Variants in CEP85L observed in about 807,000 individuals in gnomAD.
CEP85L encodes centrosomal protein of 85 kDa-like.
Under a neutral mutation model 100.3 loss-of-function variants are expected in CEP85L, and 60 were observed. The observed-to-expected ratio is 0.60, with a 90% CI of 0.49 to 0.74. CEP85L has a LOEUF of 0.74. Ranked by LOEUF, CEP85L falls within the 30% of genes least tolerant of loss-of-function variation. CEP85L has a pLI of 0.00. For synonymous variants in CEP85L, 319 were observed against 322.7 expected (o/e 0.99, Z 0.12); for missense variants, 973 against 936.2 (o/e 1.04, Z -0.51).
intron 2 of CEP85L, among the ~76,000 whole-genome samples, chr6:118,602,707 T>C (rs1274017666): frequency 6.6e-6 from 1 of 152,232 alleles, no homozygotes; most frequent in Non-Finnish European, 1.5e-5. Context: ...ATATGCTTTA[T>C]AAAACTTGGC....
At chr6:118,599,720 T>C (rs1781627473) in intron 2 of CEP85L, among the ~76,000 whole-genome samples, 2 of 151,538 alleles carry the variant, frequency 1.3e-5, no homozygotes, top group Non-Finnish European at 2.9e-5. Context: ...CGAATTATTA[T>C]TATGTACCCC....
At chr6:118,495,718 T>C (rs570750225) in intron 5 of CEP85L, among the ~76,000 whole-genome samples, 2 of 152,210 alleles carry the variant, frequency 1.3e-5, no homozygotes, top group African/African-American at 2.4e-5. Context: ...ACATTTGTCA[T>C]GAACTCTTAG....
rs113480416 is a variant in CEP85L at position 118,508,058 on chromosome 6, A to G, written c.1257+3240T>C. Reference sequence around the variant, plus strand: ...AATGGATAAATATATTTTTTGGTATACTCTCTCTGTAGGGTTTAAGTTCCA... The same window carrying G: ...AATGGATAAATATATTTTTTGGTATGCTCTCTCTGTAGGGTTTAAGTTCCA... On this transcript the variant is annotated intron_variant, in intron 5 of 12. Coordinates refer to ENST00000368491, the MANE Select transcript of CEP85L (RefSeq NM_001042475.3). Among the ~76,000 whole-genome samples the G allele has an allele frequency of 1.4e-4, 21 of 152,086 alleles. 1 individual carries two copies. The highest frequency in any genetic ancestry group is 5.1e-4 in the African/African-American group (21 of 41,494).
chr6:118,494,011 A>C (rs1774758435), intron 5 of CEP85L, among the ~76,000 whole-genome samples: 1 of 152,206 alleles, frequency 6.6e-6, no homozygotes, highest in South Asian at 2.1e-4. Context: ...CTGAAATATC[A>C]ACAAGTCTTC....
At chr6:118,478,403 T>C (rs1050632731) in intron 10 of CEP85L, among the ~76,000 whole-genome samples, 2 of 152,166 alleles carry the variant, frequency 1.3e-5, no homozygotes, top group African/African-American at 4.8e-5. Context: ...AAATACCATC[T>C]TCACAAATAT....
intron 1 of CEP85L, among the ~76,000 whole-genome samples, chr6:118,678,682 T>G (rs368427028): frequency 1.8e-4 from 28 of 152,320 alleles, no homozygotes; most frequent in African/African-American, 6.5e-4. Flanking sequence ...AATAAAACAT[T>G]AAGCACTTTG....
chr6:118,647,145 ATAT>A, intron 1 of CEP85L: 6 of 800,556 alleles, frequency 7.5e-6, no homozygotes, highest in Non-Finnish European at 9.1e-6. Flanking sequence ...GCAGAAAACA[ATAT>A]TATTAGTTGT....
At chr6:118,614,849 T>TAGACAGACAGACAGACAGACAGAC (rs61384909) in intron 2 of CEP85L, among the ~76,000 whole-genome samples, 57 of 146,738 alleles carry the variant, frequency 3.9e-4, no homozygotes, top group African/African-American at 1.2e-3. Flanking sequence ...CATTCATTCA[T>TAGACAGACAGACAGACAGACAGAC]AGACAGACAG....
chr6:118,546,303 G>T (rs1331753065), intron 3 of CEP85L, among the ~76,000 whole-genome samples: 1 of 152,052 alleles, frequency 6.6e-6, no homozygotes, highest in African/African-American at 2.4e-5. Context: ...TCCTTCTAAG[G>T]TGTGTATATG....
intron 1 of CEP85L, among the ~76,000 whole-genome samples, chr6:118,632,951 C>T (rs1466552142): frequency 2.0e-5 from 3 of 152,138 alleles, no homozygotes; most frequent in Non-Finnish European, 4.4e-5. Flanking sequence ...TAGGTGGCAT[C>T]TGTGATTATA....
At chr6:118,495,963 T>G (rs980957372) in intron 5 of CEP85L, among the ~76,000 whole-genome samples, 1 of 152,224 alleles carries the variant, frequency 6.6e-6, no homozygotes, top group Non-Finnish European at 1.5e-5. Context: ...TCATACGCAC[T>G]TTTATTGCCA....
chr6:118,623,015 G>T (rs1228470915), intron 2 of CEP85L, among the ~76,000 whole-genome samples: 1 of 152,204 alleles, frequency 6.6e-6, no homozygotes, highest in African/African-American at 2.4e-5. Context: ...CCCTCAGGGT[G>T]GTTAGCGACA....
At chr6:118,558,362 G>A (rs1778999690) in intron 3 of CEP85L, among the ~76,000 whole-genome samples, 1 of 152,078 alleles carries the variant, frequency 6.6e-6, no homozygotes, top group Middle Eastern at 3.2e-3. Flanking sequence ...ATGTTTTTGT[G>A]ACCAGAAATA....
chr6:118,637,049 C>T (rs1015744432), intron 1 of CEP85L, among the ~76,000 whole-genome samples: 6 of 152,120 alleles, frequency 3.9e-5, no homozygotes, highest in African/African-American at 1.4e-4. Context: ...TAGTTGTAAT[C>T]CTCAATTTCC....
intron 6 of CEP85L, among the ~76,000 whole-genome samples, chr6:118,484,656 A>G (rs1774042908): frequency 1.3e-5 from 2 of 152,354 alleles, no homozygotes; most frequent in South Asian, 4.1e-4. Context: ...AAATCAGTGA[A>G]GTATTCATCT....
chr6:118,603,940 T>G (rs1468587689), intron 2 of CEP85L, among the ~76,000 whole-genome samples: 2 of 152,256 alleles, frequency 1.3e-5, no homozygotes, highest in Non-Finnish European at 2.9e-5. Context: ...ATTTGGTTGA[T>G]TTTGTGGTAC....
intron 1 of CEP85L, among the ~76,000 whole-genome samples, chr6:118,669,288 G>A (rs1776225547): frequency 6.6e-6 from 1 of 152,176 alleles, no homozygotes; most frequent in African/African-American, 2.4e-5. Context: ...ACTCAGATCT[G>A]CTTTTGAGGA....
At chr6:118,656,315 A>T (rs372514800), upstream of CEP85L, among the ~76,000 whole-genome samples, 17 of 152,244 alleles carry the variant, frequency 1.1e-4, no homozygotes, top group Admixed American at 3.9e-4. Flanking sequence ...CAGTTAAATC[A>T]AGGCAAAGCT....
At chr6:118,588,247 T>C (rs1265455556) in intron 2 of CEP85L, among the ~76,000 whole-genome samples, 2 of 152,186 alleles carry the variant, frequency 1.3e-5, no homozygotes, top group Non-Finnish European at 2.9e-5. Flanking sequence ...AAAGCATGGA[T>C]GGGAAATTCT....
Sources: gnomAD v4.1 joint callset for allele counts (sites outside exome capture counted in the v4.1 genomes callset) on GRCh38, gnomAD v4.1.1 for gene constraint, MANE v1.5 for transcripts, NCBI Gene and HGNC (gene_info 2026-07-23, HGNC 2026-07-21) for gene names.